KIF20B: variants seen among roughly 807,000 people sequenced by gnomAD.
The protein encoded by KIF20B is kinesin family member 20B, also known as kinesin-like protein KIF20B.
A neutral mutation model predicts 232.5 loss-of-function variants in KIF20B; 188 were observed. The observed-to-expected ratio is 0.81, with a 90% CI of 0.72 to 0.91. The LOEUF (loss-of-function observed/expected upper bound fraction) is 0.91. KIF20B is among the 40% of genes least tolerant of loss of function. The pLI is 0.00. For missense variants in KIF20B, 2,154 were observed against 2,055.9 expected (o/e 1.05, Z -0.92); for synonymous variants, 712 against 683.0 (o/e 1.04, Z -0.66).
Position 89,738,074 on chromosome 10 carries a change from T to C in KIF20B, c.3233T>C (p.Ile1078Thr). 3.7e-6 allele frequency: 6 copies of C among 1,613,036 alleles called. No individual in the cohort carries two copies. The highest frequency in any genetic ancestry group is 5.1e-6 in the Non-Finnish European group (6 of 1,179,610). Residue 1078 changes from isoleucine (I) to threonine (T), a missense_variant, in exon 20 of 33, where the codon ATT (isoleucine) becomes ACT (threonine). Coordinates refer to ENST00000371728, the MANE Select transcript of KIF20B (RefSeq NM_001284259.2). ...VKASSKKSHQIEELEQQIEKL... is the reference protein window; with the variant it reads ...VKASSKKSHQTEELEQQIEKL... ...GCCTCTTCCAAAAAAAGTCATCAGA[T>C]TGAGGAACTGGAACAACAAATTGAA...
chr10:89,763,089 C>T (rs577236660), intron 29 of KIF20B, among the ~76,000 whole-genome samples: 1 of 152,228 alleles, frequency 6.6e-6, no homozygotes, highest in Non-Finnish European at 1.5e-5. Context: ...CAAGACCAAC[C>T]TGGTCAACAT....
chr10:89,741,749 C>T (rs915587538), intron 21 of KIF20B, among the ~76,000 whole-genome samples: 15 of 152,132 alleles, frequency 9.9e-5, no homozygotes, highest in Admixed American at 9.8e-4. Context: ...ATAAACAGTT[C>T]AATTGCAGGT....
At chr10:89,717,355 T>C in intron 9 of KIF20B, 69 bp from the exon 10 acceptor site, 4 of 941,866 alleles carry the variant, frequency 4.2e-6, no homozygotes, top group Non-Finnish European at 4.9e-6. Flanking sequence ...TTGATTTGAA[T>C]ACTTGTCTCT....
At chr10:89,733,149 T>A in intron 19 of KIF20B, 93 bp downstream of exon 19, 1 of 1,297,738 alleles carries the variant, frequency 7.7e-7, no homozygotes, top group Non-Finnish European at 1.1e-6. Context: ...TTCACTTGTC[T>A]AAGGAAAAAT....
intron 15 of KIF20B, among the ~76,000 whole-genome samples, chr10:89,725,637 G>C (rs1843168513): frequency 6.6e-6 from 1 of 152,088 alleles, no homozygotes; most frequent in African/African-American, 2.4e-5. Flanking sequence ...TTAGGGTCTT[G>C]CCGTGTTACC....
chr10:89,727,808 A>G (rs1252427177), intron 16 of KIF20B, 48 bp from the exon 17 acceptor site: 1 of 1,459,034 alleles, frequency 6.9e-7, no homozygotes, highest in Non-Finnish European at 9.4e-7. Flanking sequence ...AGTGATACAT[A>G]TTTTTAGATG....
chr10:89,751,137 T>G (rs925450325), intron 23 of KIF20B, among the ~76,000 whole-genome samples: 2 of 152,122 alleles, frequency 1.3e-5, no homozygotes, highest in Non-Finnish European at 2.9e-5. Flanking sequence ...AGCATCCATC[T>G]TTACACCAAA....
intron 1 of KIF20B, among the ~76,000 whole-genome samples, chr10:89,704,936 A>G (rs1842691348): frequency 6.6e-6 from 1 of 152,270 alleles, no homozygotes; most frequent in South Asian, 2.1e-4. Context: ...AGTAGATGAC[A>G]CAAGGTTATA....
At position 89,711,154 on chromosome 10, in the gene KIF20B, A is replaced by G. The variant is rs1040509187; in HGVS notation, c.675+9A>G. ...TTCGGCAAATTAAAGAGGTATGGAAATATTTTAGTATGTAAAATATGTATA... is the reference window on the plus strand; with the variant it reads ...TTCGGCAAATTAAAGAGGTATGGAAGTATTTTAGTATGTAAAATATGTATA... On this transcript the variant is annotated intron_variant, in intron 6 of 32. Coordinates refer to ENST00000371728, the MANE Select transcript of KIF20B (RefSeq NM_001284259.2). 4 of 1,482,458 alleles carry G rather than the reference A, an allele frequency of 2.7e-6. No homozygotes were observed. The Admixed American group carries it at 6.6e-5, about 24-fold the overall frequency. 91.8% of individuals were successfully genotyped at this position (1,482,458 alleles called of 1,614,324 possible).
intron 15 of KIF20B, 78 bp downstream of exon 15, chr10:89,725,236 A>G: frequency 8.1e-7 from 1 of 1,239,430 alleles, no homozygotes; most frequent in East Asian, 2.3e-5. Flanking sequence ...AATGATGAGA[A>G]ACACCAAGAT....
intron 6 of KIF20B, among the ~76,000 whole-genome samples, chr10:89,711,783 G>A (rs11185851): frequency 0.31 from 46,919 of 151,530 alleles, 8,150 homozygotes; most frequent in African/African-American, 0.46. Context: ...AATCATGTGC[G>A]TTTTATCTGT....
At position 89,764,581 on chromosome 10, in the gene KIF20B, G is replaced by T. The variant is rs555449845; in HGVS notation, c.4989+1746G>T. Among the ~76,000 whole-genome samples, 795 of 152,120 alleles carry T rather than the reference G, an allele frequency of 5.2e-3. 5 individuals are homozygous for T. The highest frequency in any genetic ancestry group is 0.014 in the African/African-American group (576 of 41,476). ...TGTTGTTCCCTGACTTTTTAATGAT[G>T]GCCATTCTAACTGGTGTGAGATGGT... On this transcript the variant is annotated intron_variant, in intron 29 of 32. Coordinates refer to ENST00000371728, the MANE Select transcript of KIF20B (RefSeq NM_001284259.2).
intron 21 of KIF20B, among the ~76,000 whole-genome samples, chr10:89,742,660 A>G (rs942519039): frequency 2.0e-5 from 3 of 151,218 alleles, no homozygotes; most frequent in African/African-American, 7.3e-5. Context: ...CTCTGAAACC[A>G]TACCACTCTG....
At chr10:89,764,167 A>G (rs1842304000) in intron 29 of KIF20B, among the ~76,000 whole-genome samples, 1 of 150,374 alleles carries the variant, frequency 6.7e-6, no homozygotes, top group African/African-American at 2.4e-5. Flanking sequence ...TGTCCTTGTG[A>G]TAGTTTACTG....
intron 25 of KIF20B, among the ~76,000 whole-genome samples, chr10:89,754,095 T>C (rs902209487): frequency 6.6e-6 from 1 of 151,302 alleles, no homozygotes; most frequent in Non-Finnish European, 1.5e-5. Context: ...AATATCCTGT[T>C]GCACAAGTTA....
intron 13 of KIF20B, 94 bp downstream of exon 13, chr10:89,719,800 G>C: frequency 1.0e-6 from 1 of 998,652 alleles, no homozygotes; most frequent in Non-Finnish European, 1.5e-6. Flanking sequence ...TTTTTCAACA[G>C]TACACTGAAG....
chr10:89,753,249 A>G (rs1253421207), intron 25 of KIF20B, among the ~76,000 whole-genome samples: 1 of 151,982 alleles, frequency 6.6e-6, no homozygotes, highest in Non-Finnish European at 1.5e-5. Context: ...TGTACATTTT[A>G]TTAGAAGTGG....
intron 19 of KIF20B, among the ~76,000 whole-genome samples, chr10:89,736,562 C>T (rs985630113): frequency 6.6e-6 from 1 of 152,072 alleles, no homozygotes; most frequent in African/African-American, 2.4e-5. Flanking sequence ...CGTATTAACT[C>T]ATTTTAGTCT....
At chr10:89,764,740 G>T (rs7342009) in intron 29 of KIF20B, among the ~76,000 whole-genome samples, 26,365 of 150,716 alleles carry the variant, frequency 0.17, 2,645 homozygotes, top group Non-Finnish European at 0.23. Context: ...TTTTGATGGG[G>T]TTGTTTGTTT....
Sources: gnomAD v4.1 joint callset for allele counts (sites outside exome capture counted in the v4.1 genomes callset) on GRCh38, gnomAD v4.1.1 for gene constraint, MANE v1.5 for transcripts, NCBI Gene and HGNC (gene_info 2026-07-23, HGNC 2026-07-21) for gene names.